The following DNAAF11 variants were observed in gnomAD, a reference collection of about 807,000 sequenced individuals.
DNAAF11 encodes the protein leucine rich repeat containing 6.
Under a neutral mutation model 60.8 loss-of-function variants are expected in DNAAF11, and 45 were observed. The ratio of observed to expected loss-of-function variants is 0.74; its 90% confidence interval spans 0.58 to 0.95. The LOEUF (loss-of-function observed/expected upper bound fraction) is 0.95. Among genes scored for constraint, DNAAF11 ranks in the 40% least tolerant of loss-of-function variants. The pLI is 0.00. For synonymous variants in DNAAF11, 191 were observed against 183.5 expected (o/e 1.04, Z -0.33); for missense variants, 546 against 546.2 (o/e 1.00, Z 0.00).
intron 10 of DNAAF11, among the ~76,000 whole-genome samples, chr8:132,606,885 T>C (rs1442022118): frequency 1.3e-5 from 2 of 152,208 alleles, no homozygotes; most frequent in Non-Finnish European, 2.9e-5. Context: ...TATAATGTAT[T>C]TGGGTTTTAA....
chr8:132,663,410 C>T (rs533985440), intron 1 of DNAAF11, among the ~76,000 whole-genome samples: 3 of 152,144 alleles, frequency 2.0e-5, no homozygotes, highest in Non-Finnish European at 4.4e-5. Flanking sequence ...TAGAGCAATG[C>T]TCCTGTGTAA....
intron 3 of DNAAF11, among the ~76,000 whole-genome samples, chr8:132,652,265 C>G (rs1344600577): frequency 6.6e-6 from 1 of 152,186 alleles, no homozygotes; most frequent in Non-Finnish European, 1.5e-5. Context: ...GCTGGATAGG[C>G]AAGCAGAACC....
At chr8:132,624,490 T>C (rs1820059927) in intron 6 of DNAAF11, among the ~76,000 whole-genome samples, 1 of 152,222 alleles carries the variant, frequency 6.6e-6, no homozygotes, top group Non-Finnish European at 1.5e-5. Context: ...TATACCTCCC[T>C]AAAACTTTAT....
chr8:132,659,353 G>A (rs1031762115), intron 2 of DNAAF11, among the ~76,000 whole-genome samples: 1 of 152,156 alleles, frequency 6.6e-6, no homozygotes, highest in Non-Finnish European at 1.5e-5. Context: ...GGGTGGAGTA[G>A]CACTGAAAAA....
At chr8:132,573,339 T>C (rs1814414725) in intron 11 of DNAAF11, among the ~76,000 whole-genome samples, 1 of 152,166 alleles carries the variant, frequency 6.6e-6, no homozygotes. Context: ...ATATTCCAGG[T>C]GTTGTATAGG....
chr8:132,604,953 C>A (rs950467300), intron 10 of DNAAF11, among the ~76,000 whole-genome samples: 1 of 151,950 alleles, frequency 6.6e-6, no homozygotes, highest in Admixed American at 6.6e-5. Context: ...ATTCCTATTG[C>A]AATCTATAAA....
In DNAAF11 at chr8:132,657,551, A is replaced by G; in HGVS notation, c.179-644T>C. On this transcript the variant is annotated intron_variant, in intron 2 of 11. Transcript: ENST00000620350. ...AGATAATTGATTTCCTTACTGTTCT[A>G]CCACATTTAGTTGGGTTTCTTTGAC... 1.3e-5 allele frequency among the ~76,000 whole-genome samples: 2 copies of G among 152,172 alleles called. 1 individual carries two copies.
At position 132,571,485 on chromosome 8, in the gene DNAAF11, G is replaced by T. The variant is rs1041269344; in HGVS notation, c.*821C>A. ...GAAGGAAATAGAGGAGAAGGAGTGG[G>T]ATGGGGAGTAAAAAGGTGAAGAAAA... On this transcript the variant is annotated 3_prime_UTR_variant, in exon 12 of 12. Coordinates refer to ENST00000620350, the MANE Select transcript of DNAAF11 (RefSeq NM_012472.6). Among the ~76,000 whole-genome samples the T allele has an allele frequency of 6.6e-6, 1 of 152,024 alleles. No homozygotes were observed. The highest frequency in any genetic ancestry group is 1.5e-5 in the Non-Finnish European group (1 of 68,002).
At chr8:132,593,188 T>A (rs1816637884) in intron 10 of DNAAF11, among the ~76,000 whole-genome samples, 1 of 150,190 alleles carries the variant, frequency 6.7e-6, no homozygotes, top group South Asian at 2.1e-4. Context: ...AGGAGGAGAA[T>A]CCAACAGTAT....
At chr8:132,647,398 G>C (rs1402490506) in intron 3 of DNAAF11, among the ~76,000 whole-genome samples, 1 of 152,076 alleles carries the variant, frequency 6.6e-6, no homozygotes, top group African/African-American at 2.4e-5. Flanking sequence ...AGCACTAAAT[G>C]ACCACAAGAG....
intron 1 of DNAAF11, among the ~76,000 whole-genome samples, chr8:132,669,368 C>T (rs1423779649): frequency 6.6e-6 from 1 of 152,122 alleles, no homozygotes. Context: ...GTGCCTGGCC[C>T]AAGGCAGTTA....
At chr8:132,681,867 C>T in the DNAAF11 span, among the ~76,000 whole-genome samples, 14 of 152,146 alleles carry the variant, frequency 9.2e-5, no homozygotes, top group African/African-American at 3.1e-4. Context: ...CCTACTCCAC[C>T]GTTGAGGGCT....
intron 11 of DNAAF11, among the ~76,000 whole-genome samples, chr8:132,574,345 G>A (rs947813241): frequency 6.6e-6 from 1 of 152,158 alleles, no homozygotes; most frequent in African/African-American, 2.4e-5. Flanking sequence ...AAACAATCAG[G>A]GTAGCTCACT....
intron 1 of DNAAF11, among the ~76,000 whole-genome samples, chr8:132,674,679 A>C (rs1279835714): frequency 1.3e-5 from 2 of 152,220 alleles, no homozygotes; most frequent in African/African-American, 4.8e-5. Context: ...ACCTGAGGTC[A>C]GGAGTTCGAG....
intron 10 of DNAAF11, among the ~76,000 whole-genome samples, chr8:132,602,461 G>A (rs1213240281): frequency 6.6e-6 from 1 of 152,014 alleles, no homozygotes; most frequent in Non-Finnish European, 1.5e-5. Flanking sequence ...TCTATTGGCC[G>A]CCTTCCCTTC....
chr8:132,656,921 T>A lies in DNAAF11; in HGVS notation c.179-14A>T. The A allele has an allele frequency of 1.0e-6, 1 of 992,476 alleles. No homozygotes were observed. The highest frequency in any genetic ancestry group is 1.5e-6 in the Non-Finnish European group (1 of 646,580). 61.5% of individuals were successfully genotyped at this position (992,476 alleles called of 1,614,324 possible). A position where few individuals can be genotyped will look rare whatever the true frequency, so the allele number is the denominator to read the frequency against. On this transcript the variant is annotated splice_polypyrimidine_tract_variant and intron_variant, in intron 2 of 11. Transcript: ENST00000620350. ...TGCTAACATTTTCTGAAATACAAGA[T>A]AATGTAGTTAAGATAATTAATCTTC...
intron 10 of DNAAF11, among the ~76,000 whole-genome samples, chr8:132,585,727 G>T (rs1815825539): frequency 6.6e-6 from 1 of 152,176 alleles, no homozygotes; most frequent in Admixed American, 6.5e-5. Context: ...GGAAAGGTTT[G>T]TATTATCAAA....
At chr8:132,644,204 T>A (rs1386654042) in intron 3 of DNAAF11, among the ~76,000 whole-genome samples, 1 of 152,164 alleles carries the variant, frequency 6.6e-6, no homozygotes, top group Admixed American at 6.5e-5. Context: ...ATTGCTAGAA[T>A]TTCATCTGGG....
chr8:132,633,212 T>G (rs2130465033), intron 4 of DNAAF11, among the ~76,000 whole-genome samples: 1 of 152,128 alleles, frequency 6.6e-6, no homozygotes, highest in African/African-American at 2.4e-5. Context: ...TAATACAAGC[T>G]CTCAAAATAT....
Sources: gnomAD v4.1 joint callset for allele counts (sites outside exome capture counted in the v4.1 genomes callset) on GRCh38, gnomAD v4.1.1 for gene constraint, MANE v1.5 for transcripts, NCBI Gene and HGNC (gene_info 2026-07-23, HGNC 2026-07-21) for gene names.